The following DHCR24 variants were observed in gnomAD, a reference collection of about 807,000 sequenced individuals.
DHCR24 encodes the protein delta(24)-sterol reductase.
In DHCR24, 28 loss-of-function variants were observed where a neutral mutation model predicts 61.2. The observed-to-expected ratio is 0.46, with a 90% CI of 0.34 to 0.63. The LOEUF (loss-of-function observed/expected upper bound fraction) is 0.63, where lower values mean the gene tolerates loss of function less well. Ranked by LOEUF, DHCR24 falls within the 20% of genes least tolerant of loss-of-function variation. DHCR24 has a pLI of 0.01. For missense variants in DHCR24, 538 were observed against 679.1 expected, an observed-to-expected ratio of 0.79 and a Z score of 2.31; for synonymous variants, 261 against 275.9, an observed-to-expected ratio of 0.95 and a Z score of 0.54.
chr1:54,853,985 T>G (rs567281592), intron 7 of DHCR24, 52 bp downstream of exon 7: 3 of 1,545,656 alleles, frequency 1.9e-6, no homozygotes, highest in Non-Finnish European at 2.6e-6. Context: ...GAGGAGACCA[T>G]GGATTCCAAG....
chr1:54,887,065 G>T lies in DHCR24; in HGVS notation c.55C>A (p.Arg19Ser), dbSNP rs1457720239. The T allele has an allele frequency of 7.5e-6, 12 of 1,610,210 alleles. No individual in the cohort carries two copies. Among genetic ancestry groups the T allele is most frequent in the Non-Finnish European group, 1.0e-5 (12 of 1,178,432 alleles). Residue 19 changes from arginine to serine, a missense_variant, in exon 1 of 9, where the codon CGC becomes AGC. By Grantham distance (110) the Arg-to-Ser change is moderately radical (BLOSUM62 -1). Transcript: ENST00000371269. ...AGCACGAACTCCAGCCCCTTCAGGC[G>T]CACCCACAGCAGGAAGAGCAGCGCG... ...VCALLFLLWV[R>S]LKGLEFVLIH...
chr1:54,852,426 C>G (rs1197336439), intron 8 of DHCR24, 40 bp from the exon 9 acceptor site: 1 of 1,612,086 alleles, frequency 6.2e-7, no homozygotes, highest in Non-Finnish European at 8.5e-7. Flanking sequence ...CCAGGAGGCA[C>G]ACGGAACGCG....
rs58945175 is a variant in DHCR24, at chr1:54,879,322, G to GA, written c.388-3276dup. Among the ~76,000 whole-genome samples the GA allele has an allele frequency of 9.6e-3, 1,037 of 108,312 alleles. 19 individuals are homozygous for GA. The highest frequency in any genetic ancestry group is 0.015 in the Admixed American group (132 of 9,078). 71.1% of individuals were successfully genotyped at this position (108,312 alleles called of 152,430 possible). ...TGGAGGACAGAGCAAGACTCCATCTGAAAAAAAAAAAAAAAAAAAAAAAAA... is the reference window on the plus strand; with the variant it reads ...TGGAGGACAGAGCAAGACTCCATCTGAAAAAAAAAAAAAAAAAAAAAAAAAA... On this transcript the variant is annotated intron_variant, in intron 2 of 8. Transcript: ENST00000371269.
intron 5 of DHCR24, 30 bp downstream of exon 5, chr1:54,871,320 T>G (rs759541207): frequency 1.9e-6 from 3 of 1,612,902 alleles, no homozygotes; most frequent in Non-Finnish European, 2.5e-6. Context: ...TCCCCAGTCT[T>G]GGTCAGCAGC....
At chr1:54,861,791 G>A (rs1185181225) in intron 6 of DHCR24, among the ~76,000 whole-genome samples, 3 of 152,166 alleles carry the variant, frequency 2.0e-5, no homozygotes, top group East Asian at 1.9e-4. Flanking sequence ...AGTGCTGCCT[G>A]GCAATGCCAC....
chr1:54,878,514 C>CAAAAAAAAAAAAAAAAAAAAAAA (rs56198608), intron 2 of DHCR24, among the ~76,000 whole-genome samples: 2 of 54,298 alleles, frequency 3.7e-5, no homozygotes, highest in African/African-American at 1.4e-4. Flanking sequence ...AACTCTGTCT[C>CAAAAAAAAAAAAAAAAAAAAAAA]AAAAAAAAAA....
At chr1:54,856,217 C>T (rs1646906734) in intron 6 of DHCR24, among the ~76,000 whole-genome samples, 1 of 152,178 alleles carries the variant, frequency 6.6e-6, no homozygotes, top group Non-Finnish European at 1.5e-5. Flanking sequence ...CCATGGCTGC[C>T]TCCAGGCTAC....
In DHCR24 at chr1:54,849,631, G is replaced by A. The variant is rs1646862984; in HGVS notation, c.*2602C>T. 1 of 152,578 alleles carries A rather than the reference G, an allele frequency of 6.6e-6. No individual in the cohort carries two copies. Among genetic ancestry groups the A allele is most frequent in the South Asian group, 2.1e-4 (1 of 4,824 alleles). 9.5% of individuals were successfully genotyped at this position (152,578 alleles called of 1,614,324 possible). A position where few individuals can be genotyped will look rare whatever the true frequency, so the allele number is the denominator to read the frequency against. ...CCCAAGCAAGAAACGACAAACGCCA[G>A]CTTCCAGGCCACTTTTATTTAAACA... On this transcript the variant is annotated 3_prime_UTR_variant, in exon 9 of 9. Coordinates refer to ENST00000371269, the MANE Select transcript of DHCR24 (RefSeq NM_014762.4).
rs78275029 is a variant in DHCR24, at chr1:54,876,834, C to T, written c.388-787G>A. ...TTATTTTGCCAAGATTGAGGATGTG[C>T]GCCTCTGATACAGCCTCAGTACGTC... is the stretch of plus-strand genomic sequence containing the variant. On this transcript the variant is annotated intron_variant, in intron 2 of 8. Coordinates refer to ENST00000371269, the MANE Select transcript of DHCR24 (RefSeq NM_014762.4). 2.0e-3 allele frequency among the ~76,000 whole-genome samples: 308 copies of T among 151,842 alleles called. 8 individuals are homozygous for T. The highest frequency in any genetic ancestry group is 7.1e-3 in the African/African-American group (295 of 41,392).
intron 6 of DHCR24, among the ~76,000 whole-genome samples, chr1:54,855,009 T>A (rs532418708): frequency 1.1e-4 from 17 of 152,110 alleles, no homozygotes; most frequent in African/African-American, 3.9e-4. Context: ...CCTGCTTGAG[T>A]CCTACCATGT....
intron 6 of DHCR24, among the ~76,000 whole-genome samples, chr1:54,860,214 T>C (rs1185444193): frequency 6.6e-6 from 1 of 152,264 alleles, no homozygotes; most frequent in Non-Finnish European, 1.5e-5. Flanking sequence ...TTAGTCACCA[T>C]GGCCTGCCAG....
intron 2 of DHCR24, among the ~76,000 whole-genome samples, chr1:54,877,164 T>C (rs944575521): frequency 2.0e-5 from 3 of 151,888 alleles, no homozygotes; most frequent in Non-Finnish European, 4.4e-5. Flanking sequence ...CAGCTTGACT[T>C]TTCCCTTAGT....
chr1:54,886,481 C>G, intron 1 of DHCR24: 3 of 761,972 alleles, frequency 3.9e-6, no homozygotes, highest in Non-Finnish European at 5.8e-6. Context: ...TTGTCGGCTT[C>G]CCAGCATTTG....
Position 54,875,290 on chromosome 1 carries a change from C to T in DHCR24, c.494-79G>A, listed in dbSNP as rs1376982627. On this transcript the variant is annotated intron_variant, in intron 3 of 8. Transcript: ENST00000371269. ...GGGGTGGGTTGGAGCTGGGGGGCCTCCTAGCATGAGGGAGGTTTGGCAGGC... is the reference window on the plus strand; with the variant it reads ...GGGGTGGGTTGGAGCTGGGGGGCCTTCTAGCATGAGGGAGGTTTGGCAGGC... 2.3e-6 allele frequency: 3 copies of T among 1,290,808 alleles called. No individual in the cohort carries two copies. The Admixed American group carries it at 5.0e-5, about 22-fold the overall frequency. The allele number at this position is 1,290,808 out of a possible 1,614,324, so 80.0% of individuals were successfully genotyped here.
At chr1:54,853,183 TG>T (rs11428724) in intron 8 of DHCR24, among the ~76,000 whole-genome samples, 15 of 151,586 alleles carry the variant, frequency 9.9e-5, no homozygotes, top group Non-Finnish European at 2.1e-4. Flanking sequence ...CTGGGGCTGC[TG>T]GGGGGGTGTG....
chr1:54,871,401 A>G lies in DHCR24; in HGVS notation c.825T>C (p.Asp275=). Residue 275 remains aspartate, a synonymous_variant, in exon 5 of 9, where the codon GAT becomes GAC. Coordinates refer to ENST00000371269, the MANE Select transcript of DHCR24 (RefSeq NM_014762.4). The part of the protein sequence containing the change: ...HFVEGLLYSL[D]EAVIMTGVMT... The stretch of plus-strand genomic sequence containing the variant: ...TGACCCCTGTCATAATGACAGCCTC[A>G]TCCAGGGAGTAGAGCAGCCCTTCCA... 1 of 1,614,100 alleles carries G rather than the reference A, an allele frequency of 6.2e-7. No homozygotes were observed.
chr1:54,855,513 G>A (rs1040368801), intron 6 of DHCR24, among the ~76,000 whole-genome samples: 3 of 152,130 alleles, frequency 2.0e-5, no homozygotes, highest in African/African-American at 4.8e-5. Context: ...ACCCACAACC[G>A]CAGGTGTGGA....
At chr1:54,882,047 G>A (rs1647066184) in intron 2 of DHCR24, among the ~76,000 whole-genome samples, 1 of 151,354 alleles carries the variant, frequency 6.6e-6, no homozygotes, top group Non-Finnish European at 1.5e-5. Context: ...CCTGGGTGAT[G>A]AAATAATATG....
At chr1:54,867,970 T>C (rs932414892) in intron 5 of DHCR24, among the ~76,000 whole-genome samples, 1 of 152,234 alleles carries the variant, frequency 6.6e-6, no homozygotes, top group Non-Finnish European at 1.5e-5. Flanking sequence ...AGTCAGAAGC[T>C]GGAATTTAAA....
Sources: gnomAD v4.1 joint callset for allele counts (sites outside exome capture counted in the v4.1 genomes callset) on GRCh38, gnomAD v4.1.1 for gene constraint, MANE v1.5 for transcripts, NCBI Gene and HGNC (gene_info 2026-07-23, HGNC 2026-07-21) for gene names.